The following FMNL2 variants were observed in gnomAD, a reference collection of about 807,000 sequenced individuals.
FMNL2 encodes the protein formin like 2.
Under a neutral mutation model 130.2 loss-of-function variants are expected in FMNL2, and 51 were observed. The observed-to-expected ratio is 0.39, with a 90% confidence interval of 0.31 to 0.49. The LOEUF (loss-of-function observed/expected upper bound fraction) is 0.49, where lower values mean the gene tolerates loss of function less well. FMNL2 is among the 20% of genes least tolerant of loss of function. FMNL2 has a pLI of 0.85. For missense variants in FMNL2, 977 were observed against 1,316.2 expected (o/e 0.74, Z 3.99); for synonymous variants, 465 against 467.1 (o/e 1.00, Z 0.06).
At chr2:152,404,932 A>G (rs555035804) in intron 1 of FMNL2, among the ~76,000 whole-genome samples, 67 of 152,290 alleles carry the variant, frequency 4.4e-4, no homozygotes, top group South Asian at 2.1e-3. Context: ...TCCCTACAAC[A>G]GGCCCTGAGT....
In FMNL2 at chr2:152,420,774, C is replaced by T. The variant is rs139486559; in HGVS notation, c.117+85054C>T. Among the ~76,000 whole-genome samples the T allele has an allele frequency of 3.5e-3, 538 of 152,280 alleles. 1 individual carries two copies. The highest frequency in any genetic ancestry group is 5.2e-3 in the Non-Finnish European group (356 of 68,006). ...GACTTTATCCTCCACTATGAGGTTG[C>T]AGGGGGTGCCTTCTGTGACGGTACC... On this transcript the variant is annotated intron_variant, in intron 1 of 25. Transcript: ENST00000288670.
chr2:152,424,458 T>G (rs1687080478), intron 1 of FMNL2, among the ~76,000 whole-genome samples: 1 of 151,544 alleles, frequency 6.6e-6, no homozygotes. Context: ...TGGCATGATC[T>G]TGGCTCACTG....
chr2:152,478,351 C>T (rs867676947), intron 1 of FMNL2, among the ~76,000 whole-genome samples: 1 of 149,452 alleles, frequency 6.7e-6, no homozygotes, highest in Non-Finnish European at 1.5e-5. Context: ...GATTCTCCTG[C>T]GTCAGCCTCC....
chr2:152,488,841 G>A, intron 1 of FMNL2, among the ~76,000 whole-genome samples: 1 of 152,164 alleles, frequency 6.6e-6, no homozygotes, highest in Non-Finnish European at 1.5e-5. Flanking sequence ...ACTTTGGGAG[G>A]CTGAGGCGGG....
intron 6 of FMNL2, among the ~76,000 whole-genome samples, chr2:152,569,111 CT>C (rs34246751): frequency 0.024 from 3,172 of 133,314 alleles, 108 homozygotes; most frequent in African/African-American, 0.081. Flanking sequence ...CCGCCCCAAT[CT>C]TTTTTTTTTT....
chr2:152,608,413 T>C (rs1254471101), intron 10 of FMNL2, among the ~76,000 whole-genome samples: 1 of 147,950 alleles, frequency 6.8e-6, no homozygotes, highest in East Asian at 1.9e-4. Flanking sequence ...AAGTTTTATA[T>C]GCGTCTTAGC....
At chr2:152,375,575 T>C (rs748764906) in intron 1 of FMNL2, among the ~76,000 whole-genome samples, 4 of 152,142 alleles carry the variant, frequency 2.6e-5, no homozygotes, top group Admixed American at 6.5e-5. Flanking sequence ...TCTATACATA[T>C]AGTATTCTAC....
intron 4 of FMNL2, among the ~76,000 whole-genome samples, chr2:152,550,515 T>C (rs1370487091): frequency 1.3e-5 from 2 of 152,212 alleles, no homozygotes; most frequent in Non-Finnish European, 2.9e-5. Flanking sequence ...GGTGAGTGAA[T>C]TGCACAAAGT....
At chr2:152,494,589 G>T (rs1691397233) in intron 1 of FMNL2, among the ~76,000 whole-genome samples, 1 of 152,150 alleles carries the variant, frequency 6.6e-6, no homozygotes, top group Non-Finnish European at 1.5e-5. Context: ...AGAGAGAAAG[G>T]ATATTCATTT....
chr2:152,485,596 G>T (rs1690779671), intron 1 of FMNL2, among the ~76,000 whole-genome samples: 1 of 152,232 alleles, frequency 6.6e-6, no homozygotes, highest in Non-Finnish European at 1.5e-5. Flanking sequence ...TTTTGTGTGT[G>T]TGTGTGTTGA....
chr2:152,596,265 CT>C (rs532012872), intron 9 of FMNL2, among the ~76,000 whole-genome samples: 4 of 151,866 alleles, frequency 2.6e-5, no homozygotes, highest in African/African-American at 2.4e-5. Flanking sequence ...GCCCGGCTGT[CT>C]TTTTTTTCTA....
chr2:152,607,355 A>G lies in FMNL2; in HGVS notation c.893A>G (p.Gln298Arg). 2 of 1,613,668 alleles carry G rather than the reference A, an allele frequency of 1.2e-6. No homozygotes were observed. The highest frequency in any genetic ancestry group is 1.7e-6 in the Non-Finnish European group (2 of 1,179,722). The change falls in exon 10 of 26, where the codon CAG (glutamine) becomes CGG (arginine). Residue 298 changes from glutamine (Q) to arginine (R), a missense_variant. Around this residue, in one of 4 missense-constraint regions of FMNL2, gnomAD observed 689 missense variants for 995.9 expected, o/e 0.69. Transcript: ENST00000288670. ...DNFKEVCGEK[Q>R]RFEKLMEHFR... Reference sequence around the variant, plus strand: ...GTGTTTCAGGTTTGTGGAGAAAAACAGCGCTTTGAGAAGTTGATGGAACAT... The same window carrying G: ...GTGTTTCAGGTTTGTGGAGAAAAACGGCGCTTTGAGAAGTTGATGGAACAT...
intron 1 of FMNL2, among the ~76,000 whole-genome samples, chr2:152,464,461 A>G (rs1441428284): frequency 6.6e-6 from 1 of 152,188 alleles, no homozygotes; most frequent in Non-Finnish European, 1.5e-5. Flanking sequence ...CTAGCTCCTC[A>G]GGAATGTACC....
chr2:152,460,838 G>T (rs1340634614), intron 1 of FMNL2, among the ~76,000 whole-genome samples: 1 of 152,174 alleles, frequency 6.6e-6, no homozygotes, highest in African/African-American at 2.4e-5. Flanking sequence ...CTGTCTAGTT[G>T]CAGGAACACA....
chr2:152,640,821 CA>C lies in FMNL2; in HGVS notation c.3078del (p.Glu1027SerfsTer2). On this transcript the variant is annotated frameshift_variant, in exon 25 of 26. Coordinates refer to ENST00000288670, the MANE Select transcript of FMNL2 (RefSeq NM_052905.4). LOFTEE classifies it high-confidence loss of function. ...TTCTCATAAATCAAAGAGGCAGCAG[CA>C]AGAGTTAATTGCAGAATTAAGAAGA... is the stretch of plus-strand genomic sequence containing the variant. ...SPSHKSKRQQQELIAELRRRQ... is the reference protein window; with the variant it reads ...SPSHKSKRQQXELIAELRRRQ... 6.2e-7 allele frequency: 1 copy of C among 1,613,606 alleles called. No individual in the cohort carries two copies. Among genetic ancestry groups the C allele is most frequent in the Non-Finnish European group, 8.5e-7 (1 of 1,179,724 alleles).
chr2:152,481,611 T>C (rs1690529501), intron 1 of FMNL2, among the ~76,000 whole-genome samples: 1 of 152,232 alleles, frequency 6.6e-6, no homozygotes, highest in South Asian at 2.1e-4. Context: ...GTAGTCAGAA[T>C]TGACAGCCAC....
rs138348016 is a variant in FMNL2, at chr2:152,547,601, G to T, written c.283-1420G>T. ...GATGACAGGGTAACAGGAGCCTGCT[G>T]TGCTGAGCCGTGCTTCAGGCCTTCA... On this transcript the variant is annotated intron_variant, in intron 3 of 25. Transcript: ENST00000288670. Among the ~76,000 whole-genome samples, 1,240 of 152,270 alleles carry T rather than the reference G, an allele frequency of 8.1e-3. 21 individuals carry two copies. Among genetic ancestry groups the T allele is most frequent in the African/African-American group, 0.029 (1,188 of 41,540 alleles).
intron 4 of FMNL2, among the ~76,000 whole-genome samples, chr2:152,551,562 A>G (rs10497104): frequency 0.18 from 26,892 of 152,266 alleles, 2,611 homozygotes; most frequent in Non-Finnish European, 0.22. Context: ...ACTCTTTGTT[A>G]TGTAAACTAA....
intron 2 of FMNL2, among the ~76,000 whole-genome samples, chr2:152,537,471 CGA>C (rs1694055693): frequency 6.6e-6 from 1 of 152,146 alleles, no homozygotes; most frequent in Non-Finnish European, 1.5e-5. Flanking sequence ...TTTAGATCTA[CGA>C]GAGACACAGC....
Sources: allele counts gnomAD v4.1 joint callset (sites outside exome capture counted in the v4.1 genomes callset), GRCh38; gene constraint gnomAD v4.1.1; regional missense constraint gnomAD v4.1.1; transcripts MANE v1.5; gene names NCBI Gene and HGNC (gene_info 2026-07-23, HGNC 2026-07-21).